The following PAG1 variants were observed in gnomAD, a reference collection of about 807,000 sequenced individuals.
PAG1 encodes phosphoprotein associated with glycosphingolipid-enriched microdomains 1.
Under a neutral mutation model 31.7 loss-of-function variants are expected in PAG1, and 23 were observed. The observed-to-expected ratio is 0.73, with a 90% CI of 0.52 to 1.03. PAG1 has a LOEUF of 1.03. PAG1 is among the 50% of genes least tolerant of loss of function. PAG1 has a pLI of 0.00. For synonymous variants in PAG1, 214 were observed against 210.3 expected (o/e 1.02, Z -0.15); for missense variants, 473 against 540.7 (o/e 0.87, Z 1.24).
intron 2 of PAG1, among the ~76,000 whole-genome samples, chr8:81,046,902 TTC>T (rs1808651544): frequency 6.6e-6 from 1 of 152,116 alleles, no homozygotes. Flanking sequence ...TATCCATGTG[TTC>T]TTATTATTCA....
intron 1 of PAG1, among the ~76,000 whole-genome samples, chr8:81,082,269 A>AAAAAG (rs1554541162): frequency 1.3e-5 from 2 of 151,064 alleles, no homozygotes; most frequent in South Asian, 2.1e-4. Flanking sequence ...AAAAAAAAAA[A>AAAAAG]AAAAGAAAAG....
chr8:81,107,556 TTG>T (rs1189465542), intron 1 of PAG1, among the ~76,000 whole-genome samples: 2 of 152,096 alleles, frequency 1.3e-5, no homozygotes, highest in Admixed American at 6.5e-5. Context: ...TAGGCCTCAG[TTG>T]TCACTTCCAC....
chr8:81,027,981 C>T (rs1052934178), intron 3 of PAG1, among the ~76,000 whole-genome samples: 2 of 150,646 alleles, frequency 1.3e-5, no homozygotes, highest in South Asian at 2.1e-4. Context: ...AGCCTAAAGA[C>T]GAGGGTCCCC....
In PAG1 at chr8:80,974,332, C is replaced by T. The variant is rs1807141324; in HGVS notation, c.*2212G>A. On this transcript the variant is annotated 3_prime_UTR_variant, in exon 9 of 9. Coordinates refer to ENST00000220597, the MANE Select transcript of PAG1 (RefSeq NM_018440.4). ...TGGCTGTTACCATGTACTAAAGAAC[C>T]CCATCATGTGAGAGATCGCTCAAAG... 1 of 151,962 alleles carries T rather than the reference C, an allele frequency of 6.6e-6. No homozygotes were observed. Among genetic ancestry groups the T allele is most frequent in the African/African-American group, 2.4e-5 (1 of 41,346 alleles). 9.4% of individuals were successfully genotyped at this position (151,962 alleles called of 1,614,324 possible).
At chr8:81,040,633 T>C (rs1808538739) in intron 2 of PAG1, 1 of 152,244 alleles carries the variant, frequency 6.6e-6, no homozygotes, top group Non-Finnish European at 1.5e-5. Flanking sequence ...CAGTACATTA[T>C]TATTTTTTAA....
At chr8:81,109,535 A>C (rs1809742572) in intron 1 of PAG1, among the ~76,000 whole-genome samples, 3 of 152,226 alleles carry the variant, frequency 2.0e-5, no homozygotes, top group Admixed American at 6.5e-5. Context: ...GACAGTGCAC[A>C]ATAAATGTTT....
At chr8:80,997,180 A>G (rs957460044) in intron 3 of PAG1, among the ~76,000 whole-genome samples, 2 of 152,204 alleles carry the variant, frequency 1.3e-5, no homozygotes, top group Admixed American at 6.5e-5. Context: ...AGCATCCCCT[A>G]TGTTTTTTTC....
chr8:81,054,559 C>T (rs1808783169), intron 2 of PAG1, among the ~76,000 whole-genome samples: 1 of 151,956 alleles, frequency 6.6e-6, no homozygotes. Context: ...GCCTGTAGTC[C>T]CAGCTACTCG....
At chr8:80,988,732 G>A (rs553371406) in intron 5 of PAG1, among the ~76,000 whole-genome samples, 3 of 152,192 alleles carry the variant, frequency 2.0e-5, no homozygotes, top group East Asian at 1.9e-4. Context: ...GATTACAGGC[G>A]TGAGCCACTG....
intron 3 of PAG1, among the ~76,000 whole-genome samples, chr8:81,026,048 C>A (rs1362974107): frequency 6.6e-6 from 1 of 152,058 alleles, no homozygotes; most frequent in African/African-American, 2.4e-5. Context: ...CCTTCCTTGG[C>A]AAGTCACTTA....
In PAG1 at chr8:80,975,324, A is replaced by G. The variant is rs952522162; in HGVS notation, c.*1220T>C. The G allele has an allele frequency of 6.6e-6, 1 of 152,246 alleles. No homozygotes were observed. Among genetic ancestry groups the G allele is most frequent in the Admixed American group, 6.5e-5 (1 of 15,292 alleles). 9.4% of individuals were successfully genotyped at this position (152,246 alleles called of 1,614,324 possible). A position where few individuals can be genotyped will look rare whatever the true frequency, so the allele number is the denominator to read the frequency against. ...TTTTAAACACTTGATTAGAAAAAAGATAACAGCTCCTTGTAGTGATCTAGC... is the reference window on the plus strand; with the variant it reads ...TTTTAAACACTTGATTAGAAAAAAGGTAACAGCTCCTTGTAGTGATCTAGC... On this transcript the variant is annotated 3_prime_UTR_variant, in exon 9 of 9. Transcript: ENST00000220597.
intron 1 of PAG1, among the ~76,000 whole-genome samples, chr8:81,094,694 G>A (rs1563428584): frequency 6.6e-6 from 1 of 152,136 alleles, no homozygotes; most frequent in East Asian, 1.9e-4. Flanking sequence ...TCAGAAAAGA[G>A]AAAAGCTAGC....
chr8:81,040,975 A>T (rs1808544556), intron 2 of PAG1: 1 of 152,248 alleles, frequency 6.6e-6, no homozygotes, highest in Non-Finnish European at 1.5e-5. Context: ...TACAGTTGGT[A>T]AAAATCATGA....
Position 81,098,796 on chromosome 8 carries a change from C to T in PAG1, c.-234+12795G>A, listed in dbSNP as rs146530897. On this transcript the variant is annotated intron_variant, in intron 1 of 8. Transcript: ENST00000220597. Reference sequence around the variant, plus strand: ...TTTGTCAAGTCTGATGGGAAGTTAACGTGAAAAAGAAAGACAAATATATCC... The same window carrying T: ...TTTGTCAAGTCTGATGGGAAGTTAATGTGAAAAAGAAAGACAAATATATCC... 1.2e-4 allele frequency among the ~76,000 whole-genome samples: 18 copies of T among 152,084 alleles called. No individual in the cohort carries two copies. The East Asian group carries it at 1.7e-3, about 15-fold the overall frequency.
intron 2 of PAG1, among the ~76,000 whole-genome samples, chr8:81,044,090 C>T (rs1385924213): frequency 6.6e-6 from 1 of 152,206 alleles, no homozygotes; most frequent in Non-Finnish European, 1.5e-5. Context: ...TCATCCTCCA[C>T]ACAACTCTCC....
At position 81,054,916 on chromosome 8, in the gene PAG1, AAC is replaced by A. The variant is rs1156470768; in HGVS notation, c.-175+15194_-175+15195del. ...TGAAGACTGGATGGGAGAAGGGGGA[AAC>A]TTTTATCACTGCCCTTGGTGGGTAG... is the stretch of plus-strand genomic sequence containing the variant. On this transcript the variant is annotated intron_variant, in intron 2 of 8. Coordinates refer to ENST00000220597, the MANE Select transcript of PAG1 (RefSeq NM_018440.4). 8.1e-4 allele frequency among the ~76,000 whole-genome samples: 123 copies of A among 152,158 alleles called. No homozygotes were observed. In the East Asian group the frequency reaches 0.023, roughly 28 times the overall value.
intron 2 of PAG1, among the ~76,000 whole-genome samples, chr8:81,035,519 G>C (rs567919599): frequency 2.0e-5 from 3 of 152,320 alleles, no homozygotes; most frequent in South Asian, 2.1e-4. Flanking sequence ...GGCACAGAGA[G>C]AGTATAATTA....
intron 6 of PAG1, 143 bp from the exon 7 acceptor site, chr8:80,985,520 A>G: frequency 2.7e-6 from 2 of 739,958 alleles, no homozygotes. Flanking sequence ...TGTTATGACC[A>G]TCAGTTGGTA....
chr8:80,976,784 G>C lies in PAG1; in HGVS notation c.1059C>G (p.Ser353=). The C allele has an allele frequency of 6.2e-7, 1 of 1,614,174 alleles. No individual in the cohort carries two copies. The highest frequency in any genetic ancestry group is 8.5e-7 in the Non-Finnish European group (1 of 1,180,014). Residue 353 remains serine, a synonymous_variant, in exon 9 of 9, where the codon TCC becomes TCG. Coordinates refer to ENST00000220597, the MANE Select transcript of PAG1 (RefSeq NM_018440.4). ...SIQGDPQRSP[S]SCNDLYATVK... Reference sequence around the variant, plus strand: ...CAGTAGCATAGAGATCATTACAGGAGGAGGGTGACCTCTGTGGGTCCCCTT... The same window carrying C: ...CAGTAGCATAGAGATCATTACAGGACGAGGGTGACCTCTGTGGGTCCCCTT...
Sources: allele counts gnomAD v4.1 joint callset (sites outside exome capture counted in the v4.1 genomes callset), GRCh38; gene constraint gnomAD v4.1.1; transcripts MANE v1.5; gene names NCBI Gene and HGNC (gene_info 2026-07-23, HGNC 2026-07-21).